WDR54: variants seen among roughly 807,000 people sequenced by gnomAD.
WDR54 encodes the protein WD repeat domain 54, also known as WD repeat-containing protein 54.
WDR54 carries 44 observed loss-of-function variants against 44.1 expected under a neutral mutation model. The ratio of observed to expected loss-of-function variants is 1.00; its 90% CI spans 0.78 to 1.28. WDR54 has a LOEUF of 1.28. Among genes scored for constraint, WDR54 ranks in the 50% most tolerant of loss-of-function variants. The probability of loss-of-function intolerance (pLI) is 0.00; values close to 1 mark genes in which losing one functional copy is unlikely to be tolerated. For synonymous variants in WDR54, 169 were observed against 169.8 expected (o/e 1.00, Z 0.04); for missense variants, 409 against 429.7 (o/e 0.95, Z 0.43).
rs1241543757 is a variant in WDR54 at position 74,422,134 on chromosome 2, C to T, written c.-1-19C>T. 1 of 1,606,844 alleles carries T rather than the reference C, an allele frequency of 6.2e-7. No homozygotes were observed. The highest frequency in any genetic ancestry group is 2.2e-5 in the East Asian group (1 of 44,762). On this transcript the variant is annotated intron_variant, in intron 1 of 9. Coordinates refer to ENST00000348227, the MANE Select transcript of WDR54 (RefSeq NM_032118.4). ...TCTGTTTGTAGCGCGCCTGGTGATT[C>T]GGCTGCACCCCCACACAGGATGTTC...
At chr2:74,422,549 C>G in intron 2 of WDR54, 174 bp downstream of exon 2, 1 of 785,328 alleles carries the variant, frequency 1.3e-6, no homozygotes, top group Non-Finnish European at 2.0e-6. Flanking sequence ...AATCCCAACA[C>G]TTTGGGAGGC....
intron 6 of WDR54, 120 bp downstream of exon 6, chr2:74,424,102 C>T (rs558602695): frequency 9.3e-6 from 12 of 1,293,632 alleles, no homozygotes; most frequent in Non-Finnish European, 1.3e-5. Flanking sequence ...TCTACATTTT[C>T]CTAGTCTTCA....
chr2:74,422,410 C>T, intron 2 of WDR54, 35 bp downstream of exon 2: 2 of 1,581,220 alleles, frequency 1.3e-6, no homozygotes, highest in Non-Finnish European at 1.7e-6. Context: ...GTTGCTGAAC[C>T]CAGTCCTACC....
intron 5 of WDR54, 47 bp downstream of exon 5, chr2:74,423,578 G>A: frequency 6.2e-7 from 1 of 1,603,580 alleles, no homozygotes; most frequent in South Asian, 1.1e-5. Flanking sequence ...GGGCATGTGG[G>A]CTGTGGCCAG....
intron 5 of WDR54, 36 bp downstream of exon 5, chr2:74,423,567 G>C: frequency 6.2e-7 from 1 of 1,608,396 alleles, no homozygotes; most frequent in Non-Finnish European, 8.5e-7. Context: ...GAGGGGTGCT[G>C]GGGCATGTGG....
chr2:74,425,346 C>T (rs906757584), intron 8 of WDR54, 71 bp from the exon 9 acceptor site: 4 of 1,596,284 alleles, frequency 2.5e-6, no homozygotes, highest in Non-Finnish European at 3.4e-6. Flanking sequence ...CCCTGGGGCA[C>T]CTGGACTGGG....
chr2:74,425,086 C>T lies in WDR54; in HGVS notation c.647C>T (p.Pro216Leu), dbSNP rs1209549906. The T allele has an allele frequency of 3.7e-6, 6 of 1,602,500 alleles. No individual in the cohort carries two copies. The highest frequency in any genetic ancestry group is 5.1e-6 in the Non-Finnish European group (6 of 1,171,578). ...TGTCACCCTTGCAGAGTTCCGTGCC[C>T]CTCTGTGCAGCTGTGGCAGGGGATC... Reference protein sequence around the residue: ...TRIPGFGVPCPSVQLWQGIIA... With the variant: ...TRIPGFGVPCLSVQLWQGIIA... The change falls in exon 8 of 10, where the codon CCC (proline) becomes CTC (leucine). Residue 216 changes from proline to leucine, a missense_variant. By Grantham distance (98) the Pro-to-Leu change is moderately conservative (BLOSUM62 -3). Transcript: ENST00000348227.
chr2:74,425,292 G>A (rs1670325584), intron 8 of WDR54, 55 bp downstream of exon 8: 1 of 1,544,078 alleles, frequency 6.5e-7, no homozygotes, highest in South Asian at 1.3e-5. Context: ...GGAATGTTGA[G>A]AGAACACCAC....
At chr2:74,422,565 C>T (rs1477875373) in intron 2 of WDR54, 190 bp downstream of exon 2, 6 of 713,296 alleles carry the variant, frequency 8.4e-6, no homozygotes, top group African/African-American at 3.6e-5. Flanking sequence ...GAGGCTGAGA[C>T]GGGCACTTGA....
chr2:74,421,738 G>C lies in WDR54; in HGVS notation c.-80G>C. The C allele has an allele frequency of 1.7e-6, 1 of 591,558 alleles. No homozygotes were observed. The highest frequency in any genetic ancestry group is 3.1e-6 in the Non-Finnish European group (1 of 323,176). The allele number at this position is 591,558 out of a possible 1,614,324, so 36.6% of individuals were successfully genotyped here. ...CACCCCGCCCAAGGGCCGTGCGTAC[G>C]TGCGTCGTCTCTATGGTGGCGGCGG... On this transcript the variant is annotated 5_prime_UTR_variant, in exon 1 of 10. Transcript: ENST00000348227.
rs1187979264 is a variant in WDR54, at chr2:74,423,842, G to A, written c.407-13G>A. ...TCAGGAAGTCATCACTGGAGTACTGGTTCTGGATACAGGAACGTGGTCAGG... is the reference window on the plus strand; with the variant it reads ...TCAGGAAGTCATCACTGGAGTACTGATTCTGGATACAGGAACGTGGTCAGG... On this transcript the variant is annotated splice_polypyrimidine_tract_variant and intron_variant, in intron 5 of 9. Coordinates refer to ENST00000348227, the MANE Select transcript of WDR54 (RefSeq NM_032118.4). 4.3e-6 allele frequency: 7 copies of A among 1,613,900 alleles called. No homozygotes were observed. The East Asian group carries it at 1.1e-4, about 26-fold the overall frequency.
rs1243854910 is a variant in WDR54, at chr2:74,422,321, G to C, written c.168G>C (p.Gln56His). The change falls in exon 2 of 10, where the codon CAG becomes CAC. Residue 56 changes from glutamine to histidine, a missense_variant. By Grantham distance (24) the Gln-to-His change is conservative. Coordinates refer to ENST00000348227, the MANE Select transcript of WDR54 (RefSeq NM_032118.4). Reference sequence around the variant, plus strand: ...CTCCTGAGGGTGTGCCCTTGGCCCAGCGCCAGCTCCACGCTAAGGAGGGTG... The same window carrying C: ...CTCCTGAGGGTGTGCCCTTGGCCCACCGCCAGCTCCACGCTAAGGAGGGTG... ...SAAPEGVPLA[Q>H]RQLHAKEGAG... The C allele has an allele frequency of 1.9e-6, 3 of 1,614,200 alleles. No homozygotes were observed. Among genetic ancestry groups the C allele is most frequent in the South Asian group, 2.2e-5 (2 of 91,084 alleles).
intron 2 of WDR54, 129 bp from the exon 3 acceptor site, chr2:74,422,741 C>T (rs1003660238): frequency 5.8e-6 from 5 of 856,564 alleles, no homozygotes; most frequent in Non-Finnish European, 9.1e-6. Flanking sequence ...TGCAGTGAGC[C>T]GAGATGGCGC....
At position 74,425,745 on chromosome 2, in the gene WDR54, C is replaced by A; in HGVS notation, c.*44C>A. 1 of 1,612,728 alleles carries A rather than the reference C, an allele frequency of 6.2e-7. No homozygotes were observed. The highest frequency in any genetic ancestry group is 1.1e-5 in the South Asian group (1 of 90,658). ...GTCCCTGTGGTATTCATAAAGTACC[C>A]GCTCCACCCAGCCTTTGTCTGATTA... On this transcript the variant is annotated 3_prime_UTR_variant, in exon 10 of 10. Coordinates refer to ENST00000348227, the MANE Select transcript of WDR54 (RefSeq NM_032118.4).
Position 74,422,202 on chromosome 2 carries a change from C to G in WDR54, c.49C>G (p.Leu17Val). 1 of 1,614,090 alleles carries G rather than the reference C, an allele frequency of 6.2e-7. No homozygotes were observed. ...TCCCCTGCGAGGCTCGGCCGCCGCC[C>G]TGTGCAACAACCTCAGTGTGCTGCA... Reference protein sequence around the residue: ...SIPLRGSAAALCNNLSVLQLP... With the variant: ...SIPLRGSAAAVCNNLSVLQLP... Residue 17 changes from leucine to valine, a missense_variant, in exon 2 of 10, where the codon CTG (leucine) becomes GTG (valine). Physicochemically the swap from Leu to Val is conservative, Grantham distance 32. Transcript: ENST00000348227.
chr2:74,423,280 G>C, intron 3 of WDR54, 39 bp from the exon 4 acceptor site: 1 of 1,608,392 alleles, frequency 6.2e-7, no homozygotes, highest in Non-Finnish European at 8.5e-7. Context: ...GCAGAGGTCA[G>C]TTGGGTTATG....
intron 1 of WDR54, 79 bp from the exon 2 acceptor site, chr2:74,422,074 C>T (rs1434539955): frequency 1.4e-6 from 2 of 1,461,584 alleles, no homozygotes; most frequent in East Asian, 4.6e-5. Flanking sequence ...TTCCGAAATG[C>T]TCGATGATAG....
chr2:74,423,188 T>G (rs1670201344), intron 3 of WDR54, 131 bp from the exon 4 acceptor site: 1 of 1,149,826 alleles, frequency 8.7e-7, no homozygotes, highest in African/African-American at 1.5e-5. Flanking sequence ...CTGAAAAAAT[T>G]AGGATAAAAA....
chr2:74,421,761 C>T lies in WDR54; in HGVS notation c.-57C>T. ...ACGTGCGTCGTCTCTATGGTGGCGG[C>T]GGATTTGGAGGGACCCTACGAACCA... On this transcript the variant is annotated 5_prime_UTR_variant, in exon 1 of 10. Coordinates refer to ENST00000348227, the MANE Select transcript of WDR54 (RefSeq NM_032118.4). 1.6e-6 allele frequency: 1 copy of T among 644,172 alleles called. No homozygotes were observed. Among genetic ancestry groups the T allele is most frequent in the Non-Finnish European group, 2.9e-6 (1 of 349,688 alleles). 39.9% of individuals were successfully genotyped at this position (644,172 alleles called of 1,614,324 possible). A position where few individuals can be genotyped will look rare whatever the true frequency, so the allele number is the denominator to read the frequency against.
Sources: allele counts gnomAD v4.1 joint callset, GRCh38; gene constraint gnomAD v4.1.1; transcripts MANE v1.5; gene names NCBI Gene and HGNC (gene_info 2026-07-23, HGNC 2026-07-21).